Variants in CADPS2 observed in about 807,000 individuals in gnomAD.
The protein encoded by CADPS2 is calcium dependent secretion activator 2.
Under a neutral mutation model 172.5 loss-of-function variants are expected in CADPS2, and 93 were observed. The observed-to-expected ratio is 0.54, with a 90% CI of 0.46 to 0.64. The LOEUF (loss-of-function observed/expected upper bound fraction) is 0.64. Among genes scored for constraint, CADPS2 ranks in the 30% least tolerant of loss-of-function variants. The pLI is 0.00. For missense variants in CADPS2, 1,420 were observed against 1,565.9 expected, an observed-to-expected ratio of 0.91 and a Z score of 1.57; for synonymous variants, 546 against 555.2, an observed-to-expected ratio of 0.98 and a Z score of 0.23.
At chr7:122,439,706 AC>A (rs2051106335) in intron 16 of CADPS2, among the ~76,000 whole-genome samples, 9 of 152,190 alleles carry the variant, frequency 5.9e-5, no homozygotes, top group Admixed American at 5.9e-4. Context: ...AATATTTAGC[AC>A]TTTAATTAGC....
At chr7:122,692,680 G>A (rs1043657390) in intron 2 of CADPS2, among the ~76,000 whole-genome samples, 3 of 152,222 alleles carry the variant, frequency 2.0e-5, no homozygotes, top group African/African-American at 7.2e-5. Context: ...AGGTTCATGA[G>A]TACACCAAAC....
intron 9 of CADPS2, among the ~76,000 whole-genome samples, chr7:122,498,204 T>C (rs1292289259): frequency 2.0e-5 from 3 of 152,200 alleles, no homozygotes; most frequent in African/African-American, 4.8e-5. Flanking sequence ...CACCTTGGCC[T>C]TGCAAAGTGC....
intron 2 of CADPS2, among the ~76,000 whole-genome samples, chr7:122,712,953 G>A (rs2088997151): frequency 6.6e-6 from 1 of 151,940 alleles, no homozygotes; most frequent in African/African-American, 2.4e-5. Flanking sequence ...CACCTTGGGG[G>A]TCAAGATTTC....
chr7:122,847,723 T>C (rs927211168), intron 1 of CADPS2, among the ~76,000 whole-genome samples: 5 of 152,224 alleles, frequency 3.3e-5, no homozygotes, highest in African/African-American at 1.2e-4. Flanking sequence ...ATTGTGAAGA[T>C]TCAGTGCAAA....
intron 2 of CADPS2, among the ~76,000 whole-genome samples, chr7:122,671,597 T>A (rs867574740): frequency 6.6e-6 from 1 of 151,492 alleles, no homozygotes; most frequent in Admixed American, 6.6e-5. Flanking sequence ...CTAAAAATAA[T>A]GTTGCAGAGG....
chr7:122,650,235 G>T (rs1415000856), intron 3 of CADPS2, among the ~76,000 whole-genome samples: 4 of 151,216 alleles, frequency 2.6e-5, no homozygotes, highest in African/African-American at 9.7e-5. Flanking sequence ...ATAAATAAAA[G>T]AAAAAATATA....
intron 28 of CADPS2, chr7:122,331,263 T>C (rs1306417520): frequency 2.0e-5 from 3 of 152,194 alleles, no homozygotes; most frequent in African/African-American, 4.8e-5. Context: ...GAATTACAGA[T>C]ACTGTTTTTA....
At chr7:122,379,332 A>T in intron 25 of CADPS2, 36 bp downstream of exon 25, 2 of 1,331,500 alleles carry the variant, frequency 1.5e-6, no homozygotes, top group Admixed American at 2.1e-5. Context: ...ACAATTTTTC[A>T]CTTTGATTTA....
intron 9 of CADPS2, among the ~76,000 whole-genome samples, chr7:122,511,809 T>C (rs2060022632): frequency 6.6e-6 from 1 of 152,182 alleles, no homozygotes; most frequent in Non-Finnish European, 1.5e-5. Flanking sequence ...GAATGAAATA[T>C]ATCCATAAGA....
At chr7:122,715,585 C>T (rs1283888565) in intron 2 of CADPS2, among the ~76,000 whole-genome samples, 1 of 152,012 alleles carries the variant, frequency 6.6e-6, no homozygotes, top group East Asian at 1.9e-4. Context: ...AGGTCTGAAG[C>T]ATACAGGGTC....
intron 2 of CADPS2, among the ~76,000 whole-genome samples, chr7:122,669,846 A>C (rs528244759): frequency 6.6e-6 from 1 of 152,062 alleles, no homozygotes; most frequent in South Asian, 2.1e-4. Flanking sequence ...AATAAGTCTC[A>C]GAATTCATGA....
At chr7:122,359,447 C>G (rs1054164420) in intron 27 of CADPS2, among the ~76,000 whole-genome samples, 3 of 152,090 alleles carry the variant, frequency 2.0e-5, no homozygotes, top group Non-Finnish European at 4.4e-5. Flanking sequence ...TCTCCTTCAA[C>G]TCTGAAATTC....
intron 1 of CADPS2, among the ~76,000 whole-genome samples, chr7:122,823,089 C>A (rs1270461675): frequency 6.6e-6 from 1 of 152,120 alleles, no homozygotes; most frequent in African/African-American, 2.4e-5. Context: ...TCATATACCT[C>A]TGGGACATTT....
chr7:122,644,861 A>G (rs1435151961), intron 3 of CADPS2, among the ~76,000 whole-genome samples: 2 of 152,280 alleles, frequency 1.3e-5, no homozygotes, highest in Non-Finnish European at 2.9e-5. Context: ...CCAGATACAA[A>G]GCTTTTAAAG....
At chr7:122,705,576 T>A (rs2086907608) in intron 2 of CADPS2, among the ~76,000 whole-genome samples, 1 of 110,308 alleles carries the variant, frequency 9.1e-6, no homozygotes, top group Non-Finnish European at 1.7e-5. Context: ...ATTATCTATA[T>A]TATATATTAT....
At chr7:122,723,751 C>A (rs1361531511) in intron 2 of CADPS2, among the ~76,000 whole-genome samples, 2 of 152,112 alleles carry the variant, frequency 1.3e-5, no homozygotes, top group African/African-American at 2.4e-5. Flanking sequence ...TGGCACCATT[C>A]ACAATAGCAA....
intron 20 of CADPS2, among the ~76,000 whole-genome samples, chr7:122,399,409 T>C (rs1428006476): frequency 1.3e-5 from 2 of 152,218 alleles, no homozygotes; most frequent in Admixed American, 6.5e-5. Context: ...GTGAAACTAA[T>C]TCAGAAAAGC....
At chr7:122,541,362 ATTT>A (rs34290734) in intron 8 of CADPS2, among the ~76,000 whole-genome samples, 15 of 132,622 alleles carry the variant, frequency 1.1e-4, no homozygotes, top group East Asian at 2.2e-4. Flanking sequence ...ACACCCAGCT[ATTT>A]TTTTTTTTTT....
In CADPS2 at chr7:122,840,836, TAATA is replaced by T. The variant is rs529256792; in HGVS notation, c.339+45159_339+45162del. ...AGAGTAATACTATATTTTGCAGAAA[TAATA>T]AATATCTACAGAAAATTTATTAACA... On this transcript the variant is annotated intron_variant, in intron 1 of 29. Coordinates refer to ENST00000449022, the MANE Select transcript of CADPS2 (RefSeq NM_017954.11). 3.9e-5 allele frequency among the ~76,000 whole-genome samples: 6 copies of T among 152,218 alleles called. No homozygotes were observed. The East Asian group carries it at 1.2e-3, about 29-fold the overall frequency.
Sources: allele counts gnomAD v4.1 joint callset (sites outside exome capture counted in the v4.1 genomes callset), GRCh38; gene constraint gnomAD v4.1.1; transcripts MANE v1.5; gene names NCBI Gene and HGNC (gene_info 2026-07-23, HGNC 2026-07-21).